NDC80: variants seen among roughly 807,000 people sequenced by gnomAD.
The protein encoded by NDC80 is NDC80 kinetochore complex component.
NDC80 carries 69 observed loss-of-function variants against 89.3 expected under a neutral mutation model. The ratio of observed to expected loss-of-function variants is 0.77; its 90% CI spans 0.64 to 0.94. The LOEUF is 0.94. Among genes scored for constraint, NDC80 ranks in the 40% least tolerant of loss-of-function variants. The probability of loss-of-function intolerance (pLI) is 0.00; values close to 1 mark genes in which losing one functional copy is unlikely to be tolerated. For synonymous variants in NDC80, 243 were observed against 255.6 expected (o/e 0.95, Z 0.47); for missense variants, 593 against 739.6 (o/e 0.80, Z 2.30).
chr18:2,599,066 AC>A lies in NDC80; in HGVS notation c.1270del (p.Ile425PhefsTer41). 1 of 1,612,098 alleles carries A rather than the reference AC, an allele frequency of 6.2e-7. No homozygotes were observed. Among genetic ancestry groups the A allele is most frequent in the Non-Finnish European group, 8.5e-7 (1 of 1,179,102 alleles). ...ATCACAAATTGGCTAGAAAATTAAA[AC>A]TTATTCCTAAAGGTGCTGAGAATTC... is the stretch of plus-strand genomic sequence containing the variant. ...EYHKLARKLKLIPKGAENSKG... is the reference protein window; with the variant it reads ...EYHKLARKLKXIPKGAENSKG... On this transcript the variant is annotated frameshift_variant, in exon 12 of 17. Transcript: ENST00000261597. LOFTEE classifies it high-confidence loss of function.
chr18:2,591,266 G>A (rs2072626274), intron 10 of NDC80, among the ~76,000 whole-genome samples: 1 of 152,186 alleles, frequency 6.6e-6, no homozygotes, highest in African/African-American at 2.4e-5. Flanking sequence ...ATAAAATTCT[G>A]TAAAACACTA....
chr18:2,582,077 TG>T (rs1240544666), intron 6 of NDC80: 13 of 153,202 alleles, frequency 8.5e-5, no homozygotes, highest in Non-Finnish European at 1.7e-4. Flanking sequence ...TTTGTTTGTT[TG>T]TTTGTTTGTT....
intron 6 of NDC80, among the ~76,000 whole-genome samples, chr18:2,583,891 A>G (rs1176902187): frequency 6.6e-6 from 1 of 152,168 alleles, no homozygotes; most frequent in African/African-American, 2.4e-5. Flanking sequence ...GAAATCCTGT[A>G]TGCGAAACCC....
chr18:2,572,980 A>G lies in NDC80; in HGVS notation c.-6A>G. Reference sequence around the variant, plus strand: ...AATACTGAATTCGTGAATGTAGGTCATAAGCATGAAGCGCAGTTCAGTTTC... The same window carrying G: ...AATACTGAATTCGTGAATGTAGGTCGTAAGCATGAAGCGCAGTTCAGTTTC... On this transcript the variant is annotated 5_prime_UTR_variant, in exon 2 of 17. Transcript: ENST00000261597. 6.2e-7 allele frequency: 1 copy of G among 1,612,562 alleles called. No individual in the cohort carries two copies. The highest frequency in any genetic ancestry group is 8.5e-7 in the Non-Finnish European group (1 of 1,179,460).
chr18:2,587,991 T>A, intron 8 of NDC80, 68 bp downstream of exon 8: 6 of 1,251,130 alleles, frequency 4.8e-6, no homozygotes, highest in South Asian at 1.2e-5. Flanking sequence ...TGGTAATTTA[T>A]TTACCATATC....
At chr18:2,610,974 G>T in intron 16 of NDC80, 113 bp downstream of exon 16, 1 of 625,920 alleles carries the variant, frequency 1.6e-6, no homozygotes, top group East Asian at 4.0e-5. Context: ...TTTAAAGTAT[G>T]ATCTGGCAAA....
chr18:2,603,351 T>TTATATATATATATATATATATATATA lies in NDC80; in HGVS notation c.1464+1870_1464+1871insTATATATATATATATATATATATATA, dbSNP rs1179070812. 8.0e-4 allele frequency among the ~76,000 whole-genome samples: 65 copies of TTATATATATATATATATATATATATA among 80,914 alleles called. 2 individuals carry two copies. Among genetic ancestry groups the TTATATATATATATATATATATATATA allele is most frequent in the African/African-American group, 3.1e-3 (61 of 19,916 alleles). 53.1% of individuals were successfully genotyped at this position (80,914 alleles called of 152,430 possible). ...TGGAGAACAACAGAAGAGAATATGTTTATACATATATATATATATATATAT... is the reference window on the plus strand; with the variant it reads ...TGGAGAACAACAGAAGAGAATATGTTTATATATATATATATATATATATATATATACATATATATATATATATATAT... On this transcript the variant is annotated intron_variant, in intron 13 of 16. Coordinates refer to ENST00000261597, the MANE Select transcript of NDC80 (RefSeq NM_006101.3).
In NDC80 at chr18:2,589,324, T is replaced by C; in HGVS notation, c.870+14T>C. On this transcript the variant is annotated intron_variant, in intron 9 of 16. Coordinates refer to ENST00000261597, the MANE Select transcript of NDC80 (RefSeq NM_006101.3). Reference sequence around the variant, plus strand: ...GAAAAAGAACCGGTTAGTAAACATGTTTACACACTTACTTGAGAGCTCTTT... The same window carrying C: ...GAAAAAGAACCGGTTAGTAAACATGCTTACACACTTACTTGAGAGCTCTTT... The C allele has an allele frequency of 6.4e-7, 1 of 1,558,096 alleles. No homozygotes were observed. The highest frequency in any genetic ancestry group is 8.8e-7 in the Non-Finnish European group (1 of 1,130,446).
intron 16 of NDC80, among the ~76,000 whole-genome samples, chr18:2,611,716 CTTGG>C (rs1458162949): frequency 1.3e-5 from 2 of 152,054 alleles, no homozygotes; most frequent in Non-Finnish European, 2.9e-5. Context: ...CTATAAAATT[CTTGG>C]TTAATTTATT....
At chr18:2,574,030 C>T (rs2072533450) in intron 2 of NDC80, among the ~76,000 whole-genome samples, 1 of 152,090 alleles carries the variant, frequency 6.6e-6, no homozygotes, top group Non-Finnish European at 1.5e-5. Context: ...AGACTTAAAT[C>T]TGCATAACAA....
intron 12 of NDC80, 79 bp downstream of exon 12, chr18:2,599,250 A>T (rs967402538): frequency 8.3e-7 from 1 of 1,201,158 alleles, no homozygotes; most frequent in African/African-American, 1.5e-5. Context: ...TGGCTTGTTC[A>T]TAACCCAGTA....
At chr18:2,614,307 C>T (rs983690069) in intron 16 of NDC80, 4 of 154,860 alleles carry the variant, frequency 2.6e-5, no homozygotes, top group East Asian at 1.9e-4. Flanking sequence ...TGTGGTGGCA[C>T]GTGCCTGTAA....
In NDC80 at chr18:2,571,654, C is replaced by T. The variant is rs911024841; in HGVS notation, c.-39C>T. On this transcript the variant is annotated 5_prime_UTR_variant, in exon 1 of 17. Transcript: ENST00000261597. ...TTGCACGGTTTACAGAAATTCGGTC[C>T]CTGGGTCGTGTCAGGAAACTGGAAA... 5 of 152,342 alleles carry T rather than the reference C, an allele frequency of 3.3e-5. No homozygotes were observed. The highest frequency in any genetic ancestry group is 9.7e-5 in the African/African-American group (4 of 41,450). The allele number at this position is 152,342 out of a possible 1,614,324, so 9.4% of individuals were successfully genotyped here.
intron 6 of NDC80, among the ~76,000 whole-genome samples, chr18:2,580,730 G>GTTTTTTTTT (rs1567997102): frequency 4.2e-5 from 2 of 48,118 alleles, no homozygotes; most frequent in Non-Finnish European, 1.0e-4. Context: ...CTCACCATCA[G>GTTTTTTTTT]ATTTTTTTTT....
rs756076319 is a variant in NDC80, at chr18:2,601,471, G to A, written c.1450G>A (p.Asp484Asn). The A allele has an allele frequency of 2.1e-6, 3 of 1,443,896 alleles. No individual in the cohort carries two copies. The South Asian group carries it at 4.1e-5, about 20-fold the overall frequency. The allele number at this position is 1,443,896 out of a possible 1,614,324, so 89.4% of individuals were successfully genotyped here. A position where few individuals can be genotyped will look rare whatever the true frequency, so the allele number is the denominator to read the frequency against. The change falls in exon 13 of 17, where the codon GAT becomes AAT. Residue 484 changes from aspartate to asparagine, a missense_variant. Physicochemically the swap from Asp to Asn is conservative, Grantham distance 23 (BLOSUM62 1). Transcript: ENST00000261597. ...KALNKKMGLE[D>N]TLEQLNAMIT... ...CCTAAATAAAAAAATGGGTTTGGAG[G>A]ATACTTTAGAACAAGTAAGTAATAA... is the stretch of plus-strand genomic sequence containing the variant.
intron 13 of NDC80, among the ~76,000 whole-genome samples, chr18:2,603,509 T>A (rs2072695497): frequency 6.6e-6 from 1 of 151,330 alleles, no homozygotes; most frequent in African/African-American, 2.4e-5. Flanking sequence ...TAAGATGGGA[T>A]GGGGTAAAAT....
In NDC80 at chr18:2,599,006, T is replaced by C; in HGVS notation, c.1222-13T>C. 6.3e-7 allele frequency: 1 copy of C among 1,589,068 alleles called. No homozygotes were observed. On this transcript the variant is annotated splice_polypyrimidine_tract_variant and intron_variant, in intron 11 of 16. Coordinates refer to ENST00000261597, the MANE Select transcript of NDC80 (RefSeq NM_006101.3). ...GGCTGCTTTAACATGTCTTATGTGT[T>C]CTGTTCTTACAGATTGAAACACAAT...
intron 12 of NDC80, among the ~76,000 whole-genome samples, chr18:2,599,782 A>C (rs1453004453): frequency 1.3e-5 from 2 of 152,228 alleles, no homozygotes; most frequent in Non-Finnish European, 2.9e-5. Flanking sequence ...GTTGCCCCTA[A>C]AAATGCCAAT....
chr18:2,573,388 G>T (rs2072529636), intron 2 of NDC80, among the ~76,000 whole-genome samples: 1 of 152,162 alleles, frequency 6.6e-6, no homozygotes, highest in Non-Finnish European at 1.5e-5. Flanking sequence ...AGAGCTACTT[G>T]TTTAAGCAGG....
Sources: gnomAD v4.1 joint callset for allele counts (sites outside exome capture counted in the v4.1 genomes callset) on GRCh38, gnomAD v4.1.1 for gene constraint, MANE v1.5 for transcripts, NCBI Gene and HGNC (gene_info 2026-07-23, HGNC 2026-07-21) for gene names.